Variants in ZNF142 observed in about 807,000 individuals in gnomAD.
The protein encoded by ZNF142 is zinc finger protein 142.
In ZNF142, 96 loss-of-function variants were observed where a neutral mutation model predicts 132.1. The ratio of observed to expected loss-of-function variants is 0.73; its 90% CI spans 0.62 to 0.86. The LOEUF is 0.86. Among genes scored for constraint, ZNF142 ranks in the 40% least tolerant of loss-of-function variants. The probability of loss-of-function intolerance (pLI) is 0.00; values close to 1 mark genes in which losing one functional copy is unlikely to be tolerated. For synonymous variants in ZNF142, 842 were observed against 890.1 expected (o/e 0.95, Z 0.96); for missense variants, 2,163 against 2,336.2 (o/e 0.93, Z 1.53).
At chr2:218,647,422 C>CAAGAAAAAAAAAAAA (rs1697834395) in intron 7 of ZNF142, among the ~76,000 whole-genome samples, 1 of 38,650 alleles carries the variant, frequency 2.6e-5, no homozygotes, top group Non-Finnish European at 4.7e-5. Context: ...GACTCCATCT[C>CAAGAAAAAAAAAAAA]AAAAAAAAAA....
Position 218,642,740 on chromosome 2 carries a change from C to A in ZNF142, c.4376G>T (p.Cys1459Phe). 1 of 1,614,162 alleles carries A rather than the reference C, an allele frequency of 6.2e-7. No individual in the cohort carries two copies. Among genetic ancestry groups the A allele is most frequent in the Non-Finnish European group, 8.5e-7 (1 of 1,180,030 alleles). Reference sequence around the variant, plus strand: ...GTAGCCACTATAGTCACAAAGTGGACAGAAGTGGGTAGGTGTTTTGTCATG... The same window carrying A: ...GTAGCCACTATAGTCACAAAGTGGAAAGAAGTGGGTAGGTGTTTTGTCATG... ...RVHDKTPTHF[C>F]PLCDYSGYLR... is the part of the protein sequence containing the mutation. Residue 1459 changes from cysteine (C) to phenylalanine (F), a missense_variant, in exon 9 of 11, where the codon TGT becomes TTT. Transcript: ENST00000411696. The surrounding 1 kb of genome is among the most constrained non-coding windows in gnomAD (Gnocchi z 4.6).
chr2:218,656,085 A>G, intron 4 of ZNF142, 65 bp downstream of exon 4: 2 of 1,440,064 alleles, frequency 1.4e-6, no homozygotes, highest in Non-Finnish European at 1.8e-6. Flanking sequence ...TACAGAATCA[A>G]AAATAACCCA....
chr2:218,644,524 G>C lies in ZNF142; in HGVS notation c.2592C>G (p.Asn864Lys). ...QALPEMSEEV[N>K]TGRQEGSEAP... ...CCTCACTGCCCTCCTGTCTTCCAGT[G>C]TTGACCTCCTCACTCATCTCTGGCA... The change falls in exon 9 of 11, where the codon AAC (asparagine) becomes AAG (lysine). Residue 864 changes from asparagine to lysine, a missense_variant. Transcript: ENST00000411696. This position sits in a 1 kb window ranked among gnomAD's most constrained non-coding sequence, Gnocchi z 4.6. 1.9e-6 allele frequency: 3 copies of C among 1,613,988 alleles called. No homozygotes were observed. The highest frequency in any genetic ancestry group is 2.5e-6 in the Non-Finnish European group (3 of 1,180,032).
chr2:218,642,092 G>C lies in ZNF142; in HGVS notation c.5024C>G (p.Thr1675Ser), dbSNP rs375300685. 6.2e-7 allele frequency: 1 copy of C among 1,614,112 alleles called. No homozygotes were observed. The highest frequency in any genetic ancestry group is 8.5e-7 in the Non-Finnish European group (1 of 1,180,050). Residue 1675 changes from threonine (T) to serine (S), a missense_variant, in exon 9 of 11, where the codon ACT becomes AGT. This residue lies in a region of ZNF142 where 325 missense variants were observed against 367.8 expected (regional missense o/e 0.88). Transcript: ENST00000411696. This position sits in a 1 kb window ranked among gnomAD's most constrained non-coding sequence, Gnocchi z 4.6. ...QKITWHSRIH[T>S]GEKPYHCHLC... is the part of the protein sequence containing the mutation. The stretch of plus-strand genomic sequence containing the variant: ...GTGACAGTGGTAAGGCTTTTCCCCA[G>C]TGTGGATGCGGCTGTGCCAGGTGAT...
At chr2:218,650,215 G>A (rs1937849915) in intron 6 of ZNF142, 144 bp downstream of exon 6, 1 of 933,124 alleles carries the variant, frequency 1.1e-6, no homozygotes, top group Non-Finnish European at 1.6e-6. Flanking sequence ...TTTCCCACTA[G>A]ACCTTGACTT....
At position 218,635,864 on chromosome 2, in the gene ZNF142, G is replaced by C; in HGVS notation, c.*2475C>G. 1 of 1,613,994 alleles carries C rather than the reference G, an allele frequency of 6.2e-7. No individual in the cohort carries two copies. The highest frequency in any genetic ancestry group is 8.5e-7 in the Non-Finnish European group (1 of 1,179,894). On this transcript the variant is annotated 3_prime_UTR_variant, in exon 11 of 11. Coordinates refer to ENST00000411696, the MANE Select transcript of ZNF142 (RefSeq NM_001379659.1). ...AGGGGTCCATTGTGGATCCACTGGT[G>C]AAAGTGCAGATCTTTGGCGTTCGTC...
chr2:218,638,852 A>C (rs1324061310), intron 10 of ZNF142, 44 bp from the exon 11 acceptor site: 5 of 1,485,012 alleles, frequency 3.4e-6, no homozygotes, highest in Non-Finnish European at 4.5e-6. Context: ...CGGTGGAGCA[A>C]GGTTTACTGG....
At chr2:218,654,372 C>CCT (rs1938291413) in intron 4 of ZNF142, among the ~76,000 whole-genome samples, 2 of 147,422 alleles carry the variant, frequency 1.4e-5, no homozygotes, top group South Asian at 4.2e-4. Context: ...AATGCATCTC[C>CCT]TTTTTTTTTT....
Position 218,642,146 on chromosome 2 carries a change from C to T in ZNF142, c.4970G>A (p.Cys1657Tyr), listed in dbSNP as rs1370212218. Residue 1657 changes from cysteine (C) to tyrosine (Y), a missense_variant, in exon 9 of 11, where the codon TGT (cysteine) becomes TAT (tyrosine). Transcript: ENST00000411696. This position sits in a 1 kb window ranked among gnomAD's most constrained non-coding sequence, Gnocchi z 4.6. Reference sequence around the variant, plus strand: ...CTGTCGGTTCTTGGTGCTGTAAGCACAATCGGTGCACTTGTAGAGACGAGT... The same window carrying T: ...CTGTCGGTTCTTGGTGCTGTAAGCATAATCGGTGCACTTGTAGAGACGAGT... ...GGTRLYKCTD[C>Y]AYSTKNRQKI... The T allele has an allele frequency of 6.2e-7, 1 of 1,614,076 alleles. No homozygotes were observed. Among genetic ancestry groups the T allele is most frequent in the African/African-American group, 1.3e-5 (1 of 74,918 alleles).
rs757485585 is a variant in ZNF142 at position 218,649,495 on chromosome 2, A to G, written c.1049-36T>C. The stretch of plus-strand genomic sequence containing the variant: ...GAATACAGAGAGTTGAGAGAGTGAG[A>G]TTTTTCTGGGGAAAGCCAGATAATG... On this transcript the variant is annotated intron_variant, in intron 6 of 10. Coordinates refer to ENST00000411696, the MANE Select transcript of ZNF142 (RefSeq NM_001379659.1). 4.7e-6 allele frequency: 7 copies of G among 1,495,102 alleles called. No individual in the cohort carries two copies. In the African/African-American group the frequency reaches 9.8e-5, roughly 21 times the overall value. The allele number at this position is 1,495,102 out of a possible 1,614,324, so 92.6% of individuals were successfully genotyped here.
chr2:218,649,318 T>G lies in ZNF142; in HGVS notation c.1190A>C (p.Gln397Pro). ...PDPSLQCPNC[Q>P]KFFTSKSKLK... is the part of the protein sequence containing the mutation. ...CTTGCTCTTACTGGTGAAGAACTTC[T>G]GGCAGTTAGGGCACTGGAGGCTGGG... Residue 397 changes from glutamine (Q) to proline (P), a missense_variant, in exon 7 of 11, where the codon CAG becomes CCG. Physicochemically the swap from Gln to Pro is moderately conservative, Grantham distance 76. This residue lies in a region of ZNF142 where 749 missense variants were observed against 830.3 expected (regional missense o/e 0.90). Transcript: ENST00000411696. 1 of 1,614,260 alleles carries G rather than the reference T, an allele frequency of 6.2e-7. No homozygotes were observed. Among genetic ancestry groups the G allele is most frequent in the South Asian group, 1.1e-5 (1 of 91,090 alleles).
At chr2:218,647,458 G>C (rs1170452711) in intron 7 of ZNF142, among the ~76,000 whole-genome samples, 1 of 83,492 alleles carries the variant, frequency 1.2e-5, no homozygotes, top group Admixed American at 1.4e-4. Context: ...CAAATTTTCA[G>C]AACATCCTTA....
chr2:218,646,462 T>A, intron 7 of ZNF142, 114 bp from the exon 8 acceptor site: 2 of 1,207,550 alleles, frequency 1.7e-6, no homozygotes, highest in Non-Finnish European at 1.2e-6. Flanking sequence ...AACAGCTTCA[T>A]GTGCTACCTG....
Position 218,634,246 on chromosome 2 carries a change from A to G in ZNF142, c.*4093T>C. On this transcript the variant is annotated 3_prime_UTR_variant, in exon 11 of 11. Coordinates refer to ENST00000411696, the MANE Select transcript of ZNF142 (RefSeq NM_001379659.1). This position sits in a 1 kb window ranked among gnomAD's most constrained non-coding sequence, Gnocchi z 4.0. ...GGTGAGGAGGCAGCAGGGACTGGGA[A>G]GAGGGAGTGGAGGAGCAGCAGGTGG... The G allele has an allele frequency of 6.3e-7, 1 of 1,598,108 alleles. No homozygotes were observed. The highest frequency in any genetic ancestry group is 2.3e-5 in the East Asian group (1 of 44,298).
chr2:218,646,051 C>T, intron 8 of ZNF142, 120 bp downstream of exon 8: 1 of 1,379,298 alleles, frequency 7.3e-7, no homozygotes. Context: ...TTGCACCCGG[C>T]CTTAGGAGGA....
intron 3 of ZNF142, among the ~76,000 whole-genome samples, chr2:218,658,080 C>G (rs570775379): frequency 5.7e-4 from 86 of 152,128 alleles, no homozygotes; most frequent in Non-Finnish European, 9.6e-4. Context: ...TGACTATGGC[C>G]TCAAACTAAA....
In ZNF142 at chr2:218,643,165, C is replaced by T. The variant is rs774188300; in HGVS notation, c.3951G>A (p.Arg1317=). 9 of 1,614,104 alleles carry T rather than the reference C, an allele frequency of 5.6e-6. No homozygotes were observed. The African/African-American group carries it at 9.3e-5, about 17-fold the overall frequency. ...CCCGGATCTGGTGAGTCCTCAGAGCCCGTTCCTGCTGGCAGCTAAAGGGAC... is the reference window on the plus strand; with the variant it reads ...CCCGGATCTGGTGAGTCCTCAGAGCTCGTTCCTGCTGGCAGCTAAAGGGAC... ...PTCPFSCQQE[R]ALRTHQIRGC... Residue 1317 remains arginine, a synonymous_variant, in exon 9 of 11, where the codon CGG becomes CGA. Coordinates refer to ENST00000411696, the MANE Select transcript of ZNF142 (RefSeq NM_001379659.1).
Position 218,642,226 on chromosome 2 carries a change from G to A in ZNF142, c.4890C>T (p.Asp1630=), listed in dbSNP as rs763796693. 6.2e-7 allele frequency: 1 copy of A among 1,614,228 alleles called. No individual in the cohort carries two copies. The highest frequency in any genetic ancestry group is 8.5e-7 in the Non-Finnish European group (1 of 1,180,042). Residue 1630 remains aspartate (D), a synonymous_variant, in exon 9 of 11, where the codon GAC becomes GAT. Transcript: ENST00000411696. The surrounding 1 kb of genome is among the most constrained non-coding windows in gnomAD (Gnocchi z 4.6). The part of the protein sequence containing the change: ...GQPPLHCPFC[D]FTCRHQLVLD... ...GTACCAGCTGATGGCGGCATGTGAA[G>A]TCACAAAAGGGGCAGTGTAGCGGGG... is the stretch of plus-strand genomic sequence containing the variant.
At position 218,642,884 on chromosome 2, in the gene ZNF142, C is replaced by G. The variant is rs1244408330; in HGVS notation, c.4232G>C (p.Arg1411Thr). 6.2e-7 allele frequency: 1 copy of G among 1,614,126 alleles called. No individual in the cohort carries two copies. Among genetic ancestry groups the G allele is most frequent in the Admixed American group, 1.7e-5 (1 of 60,036 alleles). ...QCPFCDFSTT[R>T]RYRLEAHQSR... ...CTGGTGAGCCTCTAACCGGTACCGT[C>G]TGGTGGTCGAAAAGTCACAGAAGGG... Residue 1411 changes from arginine (R) to threonine (T), a missense_variant, in exon 9 of 11, where the codon AGA (arginine) becomes ACA (threonine). Around this residue, in one of 7 missense-constraint regions of ZNF142, gnomAD observed 809 missense variants for 801.7 expected, o/e 1.01. Transcript: ENST00000411696. The surrounding 1 kb of genome is among the most constrained non-coding windows in gnomAD (Gnocchi z 4.6).
Sources: gnomAD v4.1 joint callset for allele counts (sites outside exome capture counted in the v4.1 genomes callset) on GRCh38, gnomAD v4.1.1 for gene constraint, gnomAD v4.1.1 regional missense constraint, Gnocchi (gnomAD v3.1) non-coding constraint, MANE v1.5 for transcripts, NCBI Gene and HGNC (gene_info 2026-07-23, HGNC 2026-07-21) for gene names.